The following SLC12A3 variants were observed in gnomAD, a reference collection of about 807,000 sequenced individuals.
SLC12A3 encodes Na-Cl cotransporter.
Under a neutral mutation model 121.0 loss-of-function variants are expected in SLC12A3, and 104 were observed. The observed-to-expected ratio is 0.86, with a 90% confidence interval of 0.73 to 1.01. The LOEUF (loss-of-function observed/expected upper bound fraction) is 1.01, where lower values mean the gene tolerates loss of function less well. Ranked by LOEUF, SLC12A3 falls within the 50% of genes least tolerant of loss-of-function variation. The pLI is 0.00. For missense variants in SLC12A3, 1,328 were observed against 1,356.3 expected, an observed-to-expected ratio of 0.98 and a Z score of 0.33; for synonymous variants, 536 against 533.4, an observed-to-expected ratio of 1.00 and a Z score of -0.07.
At chr16:56,886,919 A>T in intron 16 of SLC12A3, 34 bp from the exon 17 acceptor site, 1 of 1,612,744 alleles carries the variant, frequency 6.2e-7, no homozygotes, top group Non-Finnish European at 8.5e-7. Flanking sequence ...GGGTGAAGGC[A>T]GCTGGTGATG....
intron 25 of SLC12A3, among the ~76,000 whole-genome samples, chr16:56,910,309 C>G (rs1303520554): frequency 6.6e-6 from 1 of 151,752 alleles, no homozygotes; most frequent in Non-Finnish European, 1.5e-5. Context: ...ACCTGTGACT[C>G]AGGCCTCTTT....
At position 56,893,096 on chromosome 16, in the gene SLC12A3, C is replaced by T. The variant is rs766424788; in HGVS notation, c.2521+42C>T. The T allele has an allele frequency of 1.4e-5, 21 of 1,520,952 alleles. No homozygotes were observed. In the Middle Eastern group the frequency reaches 5.1e-4, roughly 37 times the overall value. 94.2% of individuals were successfully genotyped at this position (1,520,952 alleles called of 1,614,324 possible). A position where few individuals can be genotyped will look rare whatever the true frequency, so the allele number is the denominator to read the frequency against. On this transcript the variant is annotated intron_variant, in intron 21 of 25. Coordinates refer to ENST00000563236, the MANE Select transcript of SLC12A3 (RefSeq NM_001126108.2). ...GATCAGCCCTCCTGCCCGGCGGGGGCGGGGTGGTGGTGGTCTTCCTTCCTT... is the reference window on the plus strand; with the variant it reads ...GATCAGCCCTCCTGCCCGGCGGGGGTGGGGTGGTGGTGGTCTTCCTTCCTT...
chr16:56,884,006 C>A, intron 13 of SLC12A3, 43 bp from the exon 14 acceptor site: 1 of 1,610,980 alleles, frequency 6.2e-7, no homozygotes, highest in African/African-American at 1.3e-5. Context: ...TAGAAAGAGG[C>A]TCGACTGCCA....
intron 24 of SLC12A3, 23 bp downstream of exon 24, chr16:56,902,531 G>GGGGGGGGCCC: frequency 8.4e-6 from 6 of 714,504 alleles, no homozygotes; most frequent in South Asian, 1.4e-5. Context: ...GTGGGGGTGG[G>GGGGGGGGCCC]AAACGCGACA....
intron 15 of SLC12A3, among the ~76,000 whole-genome samples, 190 bp downstream of exon 15, chr16:56,885,554 G>A (rs1405702962): frequency 2.6e-5 from 4 of 152,136 alleles, no homozygotes; most frequent in Non-Finnish European, 5.9e-5. Flanking sequence ...ATCCTGATGG[G>A]GACCAAGCAA....
rs1487185412 is a variant in SLC12A3, at chr16:56,915,625, T to G, written c.*2220T>G. On this transcript the variant is annotated 3_prime_UTR_variant, in exon 26 of 26. Coordinates refer to ENST00000563236, the MANE Select transcript of SLC12A3 (RefSeq NM_001126108.2). ...AGCATCCATCAGGGAATGCTGGCCT[T>G]TCTAGAGCCACGTAGAAAACAATTT... 6.6e-6 allele frequency: 1 copy of G among 152,214 alleles called. No individual in the cohort carries two copies. The highest frequency in any genetic ancestry group is 1.5e-5 in the Non-Finnish European group (1 of 68,036). The allele number at this position is 152,214 out of a possible 1,614,324, so 9.4% of individuals were successfully genotyped here. A position where few individuals can be genotyped will look rare whatever the true frequency, so the allele number is the denominator to read the frequency against.
At chr16:56,870,466 G>A (rs1220640138) in intron 5 of SLC12A3, among the ~76,000 whole-genome samples, 160 bp from the exon 6 acceptor site, 2 of 152,366 alleles carry the variant, frequency 1.3e-5, no homozygotes, top group Middle Eastern at 3.4e-3. Context: ...GTCCAGGCCC[G>A]TGCAGCAGCT....
chr16:56,909,609 C>T (rs745832463), intron 25 of SLC12A3, among the ~76,000 whole-genome samples: 87 of 152,256 alleles, frequency 5.7e-4, no homozygotes, highest in Non-Finnish European at 1.1e-3. Context: ...CCAAGTCCAC[C>T]GGGAGGACAG....
At chr16:56,886,532 C>G in intron 16 of SLC12A3, 57 bp downstream of exon 16, 2 of 1,467,280 alleles carry the variant, frequency 1.4e-6, no homozygotes, top group Non-Finnish European at 1.9e-6. Flanking sequence ...TGCCTGTAAA[C>G]CCAGCACTCT....
intron 13 of SLC12A3, among the ~76,000 whole-genome samples, 158 bp from the exon 14 acceptor site, chr16:56,883,891 C>A (rs868379047): frequency 2.9e-4 from 44 of 152,216 alleles, no homozygotes; most frequent in Middle Eastern, 6.3e-3. Context: ...TAGACCCAGC[C>A]CAGGAGGCAG....
At chr16:56,897,494 A>C (rs1199401671) in intron 22 of SLC12A3, among the ~76,000 whole-genome samples, 62 of 152,204 alleles carry the variant, frequency 4.1e-4, no homozygotes. Context: ...GAAACCCAGC[A>C]ATCCTATCAC....
At chr16:56,879,462 C>T (rs1194461719) in intron 10 of SLC12A3, 80 bp from the exon 11 acceptor site, 1 of 1,248,796 alleles carries the variant, frequency 8.0e-7, no homozygotes, top group African/African-American at 1.5e-5. Context: ...CCCCTGCCCG[C>T]AGTAGGGAAT....
chr16:56,902,582 T>TC, intron 24 of SLC12A3, 74 bp downstream of exon 24: 1 of 1,565,032 alleles, frequency 6.4e-7, no homozygotes. Flanking sequence ...TGTCTTGAGC[T>TC]CCCCCAGCCC....
rs368068353 is a variant in SLC12A3, at chr16:56,887,998, C to T, written c.2252C>T (p.Pro751Leu). The T allele has an allele frequency of 7.1e-5, 115 of 1,611,600 alleles. 1 individual carries two copies. The highest frequency in any genetic ancestry group is 2.8e-4 in the African/African-American group (21 of 74,744). Residue 751 changes from proline (P) to leucine (L), a missense_variant, in exon 18 of 26, where the codon CCG becomes CTG. Physicochemically the swap from Pro to Leu is moderately conservative, Grantham distance 98 (BLOSUM62 -3). Transcript: ENST00000563236. ...GFKKNWQSAHPATVEDYIGIL... is the reference protein window; with the variant it reads ...GFKKNWQSAHLATVEDYIGIL... Reference sequence around the variant, plus strand: ...AAGAAGAACTGGCAGTCGGCTCACCCGGCCACAGTGGAAGACTACATTGGC... The same window carrying T: ...AAGAAGAACTGGCAGTCGGCTCACCTGGCCACAGTGGAAGACTACATTGGC...
chr16:56,884,201 CCAGGTGCGCATCT>C lies in SLC12A3; in HGVS notation c.1825+1_1825+13del. The C allele has an allele frequency of 2.5e-6, 4 of 1,614,058 alleles. No individual in the cohort carries two copies. The highest frequency in any genetic ancestry group is 3.4e-6 in the Non-Finnish European group (4 of 1,179,970). On this transcript the variant is annotated splice_donor_variant and splice_donor_5th_base_variant and coding_sequence_variant and intron_variant, in exon 14 of 26. Coordinates refer to ENST00000563236, the MANE Select transcript of SLC12A3 (RefSeq NM_001126108.2). LOFTEE classifies it high-confidence loss of function. ...CCTGCTCTATGTCATCTACAAGAAG[CCAGGTGCGCATCT>C]CAGCTGCGGGGCCTCGGCCCTCCTC...
intron 4 of SLC12A3, 38 bp downstream of exon 4, chr16:56,869,862 T>C (rs777262294): frequency 1.7e-5 from 26 of 1,560,810 alleles, no homozygotes; most frequent in East Asian, 9.0e-5. Context: ...CCTCCTCTCG[T>C]GGGCTCCTAA....
chr16:56,894,783 T>G, intron 22 of SLC12A3, 141 bp downstream of exon 22: 3 of 673,978 alleles, frequency 4.5e-6, no homozygotes, highest in South Asian at 1.7e-5. Context: ...GGGCCAGCTC[T>G]CTCCAGGCCA....
chr16:56,865,318 G>T lies in SLC12A3; in HGVS notation c.83G>T (p.Ser28Ile), dbSNP rs764475158. 1.9e-6 allele frequency: 3 copies of T among 1,614,050 alleles called. No individual in the cohort carries two copies. In the South Asian group the frequency reaches 3.3e-5, roughly 18 times the overall value. The part of the protein sequence containing the change: ...GRFTISTLLS[S>I]DEPSPPAAYD... ...TTCACCATCAGCACACTGCTGAGCAGTGATGAGCCCTCTCCACCAGCTGCC... is the reference window on the plus strand; with the variant it reads ...TTCACCATCAGCACACTGCTGAGCATTGATGAGCCCTCTCCACCAGCTGCC... Residue 28 changes from serine to isoleucine, a missense_variant, in exon 1 of 26, where the codon AGT (serine) becomes ATT (isoleucine). Physicochemically the swap from Ser to Ile is moderately radical, Grantham distance 142. Coordinates refer to ENST00000563236, the MANE Select transcript of SLC12A3 (RefSeq NM_001126108.2).
At chr16:56,900,424 G>A (rs866894294) in intron 23 of SLC12A3, among the ~76,000 whole-genome samples, 4 of 152,208 alleles carry the variant, frequency 2.6e-5, no homozygotes, top group South Asian at 2.1e-4. Flanking sequence ...AAAGCCTTGC[G>A]AAAGGCTGGC....
Sources: allele counts gnomAD v4.1 joint callset (sites outside exome capture counted in the v4.1 genomes callset), GRCh38; gene constraint gnomAD v4.1.1; transcripts MANE v1.5; gene names NCBI Gene and HGNC (gene_info 2026-07-23, HGNC 2026-07-21).